Variants in JADE3 observed in about 807,000 individuals in gnomAD.
JADE3 encodes jade family PHD finger 3, also known as protein Jade-3.
A neutral mutation model predicts 50.1 loss-of-function variants in JADE3; 2 were observed. The observed-to-expected ratio is 0.04, with a 90% confidence interval of 0.02 to 0.13. The LOEUF is 0.13. JADE3 is among the 10% of genes least tolerant of loss of function. The pLI, the probability that JADE3 is intolerant of heterozygous loss-of-function variation, is 1.00. For missense variants in JADE3, 475 were observed against 634.4 expected (o/e 0.75, Z 2.70); for synonymous variants, 218 against 232.9 (o/e 0.94, Z 0.58).
chrX:46,926,021 A>AATTTTATTTTATTTT (rs201354375), intron 1 of JADE3, among the ~76,000 whole-genome samples: 845 of 80,082 alleles, frequency 0.011, 27 homozygotes, highest in African/African-American at 0.033. Flanking sequence ...ATGCCCAGCT[A>AATTTTATTTTATTTT]ATTTTATTTT....
intron 1 of JADE3, among the ~76,000 whole-genome samples, chrX:46,917,534 A>G (rs1926112376): frequency 9.1e-6 from 1 of 110,427 alleles, no homozygotes; most frequent in African/African-American, 3.3e-5. Flanking sequence ...GAGCCTTGAG[A>G]ATGAGCAGGA....
intron 7 of JADE3, among the ~76,000 whole-genome samples, chrX:47,035,162 C>T (rs1556367652): frequency 9.0e-6 from 1 of 110,632 alleles, no homozygotes; most frequent in Non-Finnish European, 1.9e-5. Flanking sequence ...AGCCACTATC[C>T]AAACCAGCAA....
At chrX:46,928,766 T>C (rs1306755687) in intron 1 of JADE3, among the ~76,000 whole-genome samples, 1 of 107,541 alleles carries the variant, frequency 9.3e-6, no homozygotes, top group Non-Finnish European at 2.0e-5. Context: ...TGGTGGGTTT[T>C]GTTTTGTTTT....
At position 46,951,585 on chromosome X, in the gene JADE3, C is replaced by CAA. The variant is rs1157479710; in HGVS notation, c.-11-33285_-11-33284dup. Among the ~76,000 whole-genome samples the CAA allele has an allele frequency of 5.9e-4, 43 of 73,110 alleles. No homozygotes were observed. The South Asian group carries it at 0.031, about 53-fold the overall frequency. The allele number at this position is 73,110 out of a possible 115,157, so 63.5% of individuals were successfully genotyped here. A position where few individuals can be genotyped will look rare whatever the true frequency, so the allele number is the denominator to read the frequency against. On this transcript the variant is annotated intron_variant, in intron 1 of 10. Transcript: ENST00000614628. ...CTGGCAACAGAGTGAGACTCCGTCT[C>CAA]AAAAAAAAAAAAAAATTATCATCAC...
rs782022433 is a variant in JADE3, at chrX:46,984,868, T to C, written c.-11-16T>C. Reference sequence around the variant, plus strand: ...TGTGTGTGAACTGTTTTATTCAGTGTTTTTCTTTTTCCCAGGATGCTCCAG... The same window carrying C: ...TGTGTGTGAACTGTTTTATTCAGTGCTTTTCTTTTTCCCAGGATGCTCCAG... On this transcript the variant is annotated splice_polypyrimidine_tract_variant and intron_variant, in intron 1 of 10. Coordinates refer to ENST00000614628, the MANE Select transcript of JADE3 (RefSeq NM_014735.5). 14 of 1,193,972 alleles carry C rather than the reference T, an allele frequency of 1.2e-5. No individual in the cohort carries two copies. Among genetic ancestry groups the C allele is most frequent in the African/African-American group, 1.8e-5 (1 of 56,878 alleles).
At chrX:46,992,426 C>T (rs1181033377) in intron 3 of JADE3, among the ~76,000 whole-genome samples, 1 of 98,540 alleles carries the variant, frequency 1.0e-5, no homozygotes, top group African/African-American at 3.7e-5. Context: ...TCAGTCCCCA[C>T]GCAGCATCCA....
At chrX:47,042,797 C>T (rs1291104035) in intron 8 of JADE3, among the ~76,000 whole-genome samples, 1 of 111,456 alleles carries the variant, frequency 9.0e-6, no homozygotes, top group Non-Finnish European at 1.9e-5. Context: ...AAAGGAAGGA[C>T]ACAAGCCTTG....
At chrX:46,999,444 TATATATAACATATATATAC>T (rs1199430862) in intron 4 of JADE3, among the ~76,000 whole-genome samples, 71 of 105,016 alleles carry the variant, frequency 6.8e-4, no homozygotes, top group Non-Finnish European at 1.2e-3. Flanking sequence ...CATATATATA[TATATATAACATATATATAC>T]ATATATAACA....
chrX:47,015,362 G>T (rs1053950561), intron 4 of JADE3, among the ~76,000 whole-genome samples: 2 of 111,156 alleles, frequency 1.8e-5, no homozygotes, highest in African/African-American at 6.5e-5. Flanking sequence ...TGAGTGGATC[G>T]CTTGAGATCA....
chrX:46,998,996 C>T (rs1928207803), intron 4 of JADE3, among the ~76,000 whole-genome samples: 2 of 111,071 alleles, frequency 1.8e-5, no homozygotes, highest in South Asian at 3.8e-4. Context: ...CGCGCCTGGC[C>T]GAGTCTGTAT....
At chrX:47,001,187 T>C (rs1440049739) in intron 4 of JADE3, among the ~76,000 whole-genome samples, 3 of 111,850 alleles carry the variant, frequency 2.7e-5, no homozygotes, top group Non-Finnish European at 5.6e-5. Flanking sequence ...TGTACTGTAG[T>C]ATGTAGCCTT....
intron 4 of JADE3, among the ~76,000 whole-genome samples, chrX:47,013,304 G>T (rs1379644922): frequency 2.7e-5 from 3 of 111,803 alleles, no homozygotes; most frequent in African/African-American, 9.8e-5. Context: ...ATGAGCCACT[G>T]CACCCAGCCA....
At chrX:47,023,973 G>GA (rs1928852835) in intron 4 of JADE3, among the ~76,000 whole-genome samples, 1 of 112,342 alleles carries the variant, frequency 8.9e-6, no homozygotes, top group African/African-American at 3.2e-5. Context: ...GTGAGTGACA[G>GA]AAAAAAACAA....
intron 1 of JADE3, among the ~76,000 whole-genome samples, chrX:46,947,486 T>C (rs1322919994): frequency 1.6e-4 from 18 of 111,821 alleles, no homozygotes; most frequent in Non-Finnish European, 3.8e-5. Context: ...TTTTAGTCTT[T>C]TTCCATCCTA....
intron 1 of JADE3, 69 bp from the exon 2 acceptor site, chrX:46,984,815 G>A (rs1927828194): frequency 8.0e-6 from 6 of 751,724 alleles, no homozygotes; most frequent in Non-Finnish European, 1.2e-5. Context: ...GGATCCATGG[G>A]ACAGTGTTGA....
intron 1 of JADE3, among the ~76,000 whole-genome samples, chrX:46,954,605 A>G (rs782602409): frequency 2.7e-5 from 3 of 110,922 alleles, no homozygotes; most frequent in Admixed American, 1.9e-4. Flanking sequence ...CCCAGGCTGG[A>G]GTGCAGTGGT....
intron 1 of JADE3, among the ~76,000 whole-genome samples, chrX:46,970,171 G>C (rs1927455405): frequency 8.9e-6 from 1 of 112,405 alleles, no homozygotes; most frequent in Non-Finnish European, 1.9e-5. Context: ...TGGGGGTTGA[G>C]AACCTCTGCT....
At chrX:46,922,081 C>A (rs937934279) in intron 1 of JADE3, among the ~76,000 whole-genome samples, 30 of 108,696 alleles carry the variant, frequency 2.8e-4, no homozygotes, top group African/African-American at 1.0e-3. Context: ...TCCCCCATCC[C>A]CCAACAGACT....
At chrX:46,937,419 C>T (rs1926653134) in intron 1 of JADE3, among the ~76,000 whole-genome samples, 1 of 111,101 alleles carries the variant, frequency 9.0e-6, no homozygotes, top group African/African-American at 3.3e-5. Flanking sequence ...CAGGTAATGA[C>T]GGTTGATGAT....
Sources: allele counts gnomAD v4.1 joint callset (sites outside exome capture counted in the v4.1 genomes callset), GRCh38; gene constraint gnomAD v4.1.1; transcripts MANE v1.5; gene names NCBI Gene and HGNC (gene_info 2026-07-23, HGNC 2026-07-21).